EPS15: variants seen among roughly 807,000 people sequenced by gnomAD.
EPS15 encodes epidermal growth factor receptor pathway substrate 15.
Under a neutral mutation model 113.8 loss-of-function variants are expected in EPS15, and 72 were observed. That is an observed-to-expected ratio of 0.63 (90% CI 0.52 to 0.77). The LOEUF is 0.77. Among genes scored for constraint, EPS15 ranks in the 30% least tolerant of loss-of-function variants. The pLI, the probability that EPS15 is intolerant of heterozygous loss-of-function variation, is 0.00. For missense variants in EPS15, 1,048 were observed against 1,045.8 expected, an observed-to-expected ratio of 1.00 and a Z score of -0.03; for synonymous variants, 344 against 363.4, an observed-to-expected ratio of 0.95 and a Z score of 0.61.
At chr1:51,507,361 C>T (rs1282175318) in intron 1 of EPS15, among the ~76,000 whole-genome samples, 3 of 152,028 alleles carry the variant, frequency 2.0e-5, no homozygotes, top group Non-Finnish European at 4.4e-5. Flanking sequence ...CATAGGAAAA[C>T]ACTTAAAGAA....
At chr1:51,397,945 C>A (rs1398287501) in intron 20 of EPS15, among the ~76,000 whole-genome samples, 1 of 152,070 alleles carries the variant, frequency 6.6e-6, no homozygotes, top group Admixed American at 6.5e-5. Context: ...CAAAAACCTG[C>A]AAAACCATTC....
intron 24 of EPS15, among the ~76,000 whole-genome samples, chr1:51,358,107 A>G (rs1037714520): frequency 3.9e-5 from 6 of 152,098 alleles, no homozygotes; most frequent in South Asian, 2.1e-4. Context: ...CAGAAGTTCA[A>G]GAAGTTCATC....
intron 21 of EPS15, among the ~76,000 whole-genome samples, chr1:51,379,046 G>A (rs1646871310): frequency 1.3e-5 from 2 of 152,218 alleles, no homozygotes; most frequent in African/African-American, 4.8e-5. Flanking sequence ...TCAAACTGCT[G>A]AAAGACAGAA....
intron 1 of EPS15, chr1:51,518,560 GA>G (rs1361456959): frequency 6.5e-6 from 1 of 152,802 alleles, no homozygotes; most frequent in African/African-American, 2.4e-5. Flanking sequence ...CTGAACGGAG[GA>G]AGGGGCCGGC....
At chr1:51,407,203 G>A (rs1376559183) in intron 15 of EPS15, among the ~76,000 whole-genome samples, 1 of 150,522 alleles carries the variant, frequency 6.6e-6, no homozygotes, top group Non-Finnish European at 1.5e-5. Context: ...TTTTTTTTTA[G>A]TTTTTATTTT....
At chr1:51,501,809 AC>A (rs1422205161) in intron 1 of EPS15, among the ~76,000 whole-genome samples, 3 of 152,114 alleles carry the variant, frequency 2.0e-5, no homozygotes, top group African/African-American at 7.2e-5. Context: ...AACTACATTT[AC>A]CATGCAAAAG....
chr1:51,408,925 G>A (rs1167105429), intron 14 of EPS15, among the ~76,000 whole-genome samples: 3 of 151,732 alleles, frequency 2.0e-5, no homozygotes, highest in South Asian at 2.1e-4. Flanking sequence ...TCAGCCTGCC[G>A]AGTAGCTGGG....
At chr1:51,517,535 ACTC>A (rs760119434) in intron 1 of EPS15, among the ~76,000 whole-genome samples, 4 of 151,948 alleles carry the variant, frequency 2.6e-5, no homozygotes, top group African/African-American at 7.3e-5. Flanking sequence ...TCAAGGGAAA[ACTC>A]CTGCCAGAAT....
At chr1:51,483,407 G>GTT (rs1280151304) in intron 1 of EPS15, among the ~76,000 whole-genome samples, 1 of 123,912 alleles carries the variant, frequency 8.1e-6, no homozygotes, top group Non-Finnish European at 1.7e-5. Context: ...AAGTGTGTGT[G>GTT]TGTGTGTGTG....
chr1:51,456,330 T>C (rs1653993547), intron 8 of EPS15, among the ~76,000 whole-genome samples: 1 of 152,066 alleles, frequency 6.6e-6, no homozygotes, highest in Non-Finnish European at 1.5e-5. Flanking sequence ...TTTTTTCCCA[T>C]TCAAAAAAAT....
In EPS15 at chr1:51,481,261, CA is replaced by C; in HGVS notation, c.75+11del. 7.6e-7 allele frequency: 1 copy of C among 1,323,206 alleles called. No homozygotes were observed. The highest frequency in any genetic ancestry group is 1.1e-6 in the Non-Finnish European group (1 of 918,236). The allele number at this position is 1,323,206 out of a possible 1,614,324, so 82.0% of individuals were successfully genotyped here. A position where few individuals can be genotyped will look rare whatever the true frequency, so the allele number is the denominator to read the frequency against. ...TGTTCAATCCAGGCAAACAATGAAA[CA>C]AAAATCTTACCTGTCTATAGTATTT... On this transcript the variant is annotated intron_variant, in intron 2 of 24. Coordinates refer to ENST00000371733, the MANE Select transcript of EPS15 (RefSeq NM_001981.3).
chr1:51,461,118 T>TCCA lies in EPS15; in HGVS notation c.531_533dup (p.Gly178dup), dbSNP rs1654405896. 6.2e-7 allele frequency: 1 copy of TCCA among 1,604,024 alleles called. No homozygotes were observed. The highest frequency in any genetic ancestry group is 1.3e-5 in the African/African-American group (1 of 74,730). Reference sequence around the variant, plus strand: ...CTGCAAACTCATCTCTGTCAAGCATTCCATCATGGTCAATATCACTCAACT... The same window carrying TCCA: ...CTGCAAACTCATCTCTGTCAAGCATTCCACCATCATGGTCAATATCACTCAACT... On this transcript the variant is annotated inframe_insertion, in exon 8 of 25. Transcript: ENST00000371733.
At chr1:51,379,703 G>C (rs1226680150) in intron 21 of EPS15, among the ~76,000 whole-genome samples, 1 of 151,876 alleles carries the variant, frequency 6.6e-6, no homozygotes, top group Admixed American at 6.6e-5. Context: ...GATCACGTAA[G>C]GTCAGGAGTT....
intron 21 of EPS15, among the ~76,000 whole-genome samples, chr1:51,371,545 G>T (rs1225288662): frequency 6.6e-6 from 1 of 151,474 alleles, no homozygotes; most frequent in African/African-American, 2.4e-5. Flanking sequence ...TTAAAAGTAG[G>T]CAAAGTTTAG....
chr1:51,465,204 G>A (rs1003897457), intron 6 of EPS15, 57 bp downstream of exon 6: 24 of 1,054,980 alleles, frequency 2.3e-5, no homozygotes, highest in Non-Finnish European at 3.5e-5. Context: ...CAGAGGTAGA[G>A]AGAGAGTAGA....
At chr1:51,361,962 G>A (rs943300502) in intron 23 of EPS15, among the ~76,000 whole-genome samples, 10 of 152,078 alleles carry the variant, frequency 6.6e-5, no homozygotes, top group African/African-American at 1.4e-4. Flanking sequence ...AAATCTTTGC[G>A]GTTGCTGATC....
At chr1:51,482,745 C>T (rs554166305) in intron 1 of EPS15, among the ~76,000 whole-genome samples, 20 of 152,234 alleles carry the variant, frequency 1.3e-4, no homozygotes, top group Admixed American at 1.3e-3. Flanking sequence ...GGATTACAAG[C>T]ATGAGCCACC....
intron 13 of EPS15, among the ~76,000 whole-genome samples, chr1:51,410,720 C>CA (rs1440853033): frequency 6.6e-6 from 1 of 152,088 alleles, no homozygotes; most frequent in Non-Finnish European, 1.5e-5. Context: ...AATATCTATT[C>CA]AAAGGTCCCA....
chr1:51,391,321 G>T (rs892199193), intron 21 of EPS15, among the ~76,000 whole-genome samples: 1 of 152,036 alleles, frequency 6.6e-6, no homozygotes, highest in African/African-American at 2.4e-5. Context: ...TCGTGGGTTG[G>T]GGGGAAGGGG....
Sources: gnomAD v4.1 joint callset for allele counts (sites outside exome capture counted in the v4.1 genomes callset) on GRCh38, gnomAD v4.1.1 for gene constraint, MANE v1.5 for transcripts, NCBI Gene and HGNC (gene_info 2026-07-23, HGNC 2026-07-21) for gene names.